ABCA10: variants seen among roughly 807,000 people sequenced by gnomAD.
ABCA10 encodes the protein ATP binding cassette subfamily A member 10, also known as ATP-binding cassette sub-family A member 10.
Under a neutral mutation model 187.5 loss-of-function variants are expected in ABCA10, and 169 were observed. The observed-to-expected ratio is 0.90, with a 90% CI of 0.80 to 1.02. ABCA10 has a LOEUF of 1.02. Ranked by LOEUF, ABCA10 falls within the 50% of genes least tolerant of loss-of-function variation. ABCA10 has a pLI of 0.00. For synonymous variants in ABCA10, 574 were observed against 601.8 expected (o/e 0.95, Z 0.68); for missense variants, 1,727 against 1,812.4 (o/e 0.95, Z 0.86).
chr17:69,185,385 A>G (rs1211579557), intron 20 of ABCA10, 92 bp downstream of exon 20: 3 of 1,307,082 alleles, frequency 2.3e-6, no homozygotes, highest in East Asian at 4.8e-5. Context: ...CTGGATAGAC[A>G]CCATTTTTGT....
chr17:69,164,078 A>C lies in ABCA10; in HGVS notation c.3359T>G (p.Leu1120Ter). 6.4e-7 allele frequency: 1 copy of C among 1,570,026 alleles called. No individual in the cohort carries two copies. The highest frequency in any genetic ancestry group is 1.2e-5 in the South Asian group (1 of 83,028). ...TAGGTAGAAAATGTTCCTTACTATT[A>C]AGGTTGTTAAAAGAATGGTTTTATT... The part of the protein sequence containing the change: ...EVNKTILLTT[L>*]IPYLQSVIFL... The change falls in exon 27 of 39, where the codon TTA (leucine) becomes TGA (stop). Residue 1120 changes from leucine (L) to a stop codon, truncating the protein, a stop_gained. Coordinates refer to ENST00000690296, the MANE Select transcript of ABCA10 (RefSeq NM_001377321.1). LOFTEE classifies it high-confidence loss of function.
chr17:69,167,324 A>G (rs150446410), intron 25 of ABCA10, among the ~76,000 whole-genome samples: 18 of 152,302 alleles, frequency 1.2e-4, no homozygotes, highest in African/African-American at 4.3e-4. Flanking sequence ...TCAACATCAT[A>G]GAAGAGAACC....
At chr17:69,192,312 A>AAAACAAACAAAC (rs111271676) in intron 16 of ABCA10, among the ~76,000 whole-genome samples, 1 of 150,624 alleles carries the variant, frequency 6.6e-6, no homozygotes, top group Non-Finnish European at 1.5e-5. Context: ...TGTCTTCAAA[A>AAAACAAACAAAC]AAACAAACAA....
At chr17:69,227,087 A>G (rs1223354447) in intron 2 of ABCA10, 58 bp downstream of exon 2, 1 of 144,234 alleles carries the variant, frequency 6.9e-6, no homozygotes, top group Non-Finnish European at 1.5e-5. Context: ...ATAATACTAT[A>G]TGGTGGATTT....
chr17:69,193,126 C>T lies in ABCA10; in HGVS notation c.1764G>A (p.Glu588=), dbSNP rs2074473319. The change falls in exon 15 of 39, where the codon GAG becomes GAA. Residue 588 remains glutamate, a synonymous_variant. Coordinates refer to ENST00000690296, the MANE Select transcript of ABCA10 (RefSeq NM_001377321.1). ...AAGAATCACCAGCCAAGATGTCAGC[C>T]TCATCCATGAATTGGGTACTGAAGA... The part of the protein sequence containing the change: ...LILFSTQFMD[E]ADILADRKVF... 6.2e-7 allele frequency: 1 copy of T among 1,608,472 alleles called. No homozygotes were observed.
At chr17:69,173,498 G>A (rs1232842127) in intron 25 of ABCA10, among the ~76,000 whole-genome samples, 4 of 152,056 alleles carry the variant, frequency 2.6e-5, no homozygotes, top group Non-Finnish European at 5.9e-5. Flanking sequence ...AAATCCAGAA[G>A]AAGAAGAAGA....
chr17:69,171,208 C>T (rs997938482), intron 25 of ABCA10, among the ~76,000 whole-genome samples: 1 of 151,830 alleles, frequency 6.6e-6, no homozygotes, highest in African/African-American at 2.4e-5. Context: ...TGTCAAACGA[C>T]AAGTAGAAAT....
chr17:69,175,817 C>T (rs2074330502), intron 22 of ABCA10: 2 of 187,258 alleles, frequency 1.1e-5, no homozygotes, highest in South Asian at 1.2e-4. Flanking sequence ...AAACCCTATA[C>T]ATAATATGTT....
intron 27 of ABCA10, among the ~76,000 whole-genome samples, chr17:69,163,463 T>C (rs1029281807): frequency 1.3e-5 from 2 of 152,204 alleles, no homozygotes; most frequent in African/African-American, 4.8e-5. Flanking sequence ...ATGGAACATC[T>C]CTGCATGTAT....
intron 25 of ABCA10, among the ~76,000 whole-genome samples, chr17:69,167,780 A>C (rs2074264549): frequency 6.6e-6 from 1 of 152,228 alleles, no homozygotes; most frequent in Non-Finnish European, 1.5e-5. Flanking sequence ...ATCTTCTATG[A>C]TACAGGCACT....
In ABCA10 at chr17:69,182,752, T is replaced by C. The variant is rs778004217; in HGVS notation, c.2554A>G (p.Ile852Val). The change falls in exon 21 of 39, where the codon ATA becomes GTA. Residue 852 changes from isoleucine (I) to valine (V), a missense_variant. Coordinates refer to ENST00000690296, the MANE Select transcript of ABCA10 (RefSeq NM_001377321.1). ...CCATTTCTGTTTCTAAAGTCATCTA[T>C]TTCCAAAACTATATCCTGACACTTC... ...SLKCQDIVLE[I>V]DDFRNRNGSD... 6.8e-6 allele frequency: 11 copies of C among 1,612,572 alleles called. No homozygotes were observed. The highest frequency in any genetic ancestry group is 8.5e-7 in the Non-Finnish European group (1 of 1,179,322).
intron 22 of ABCA10, among the ~76,000 whole-genome samples, chr17:69,181,496 G>C (rs1181473144): frequency 6.6e-6 from 1 of 152,078 alleles, no homozygotes; most frequent in Middle Eastern, 3.4e-3. Flanking sequence ...TTTTAAACTA[G>C]AGGGGTGAGG....
At chr17:69,225,073 C>T (rs1450206160) in intron 3 of ABCA10, among the ~76,000 whole-genome samples, 1 of 151,890 alleles carries the variant, frequency 6.6e-6, no homozygotes. Flanking sequence ...CCTACTGCAA[C>T]AATATGTTCT....
At chr17:69,199,522 G>A (rs1486320841) in intron 10 of ABCA10, among the ~76,000 whole-genome samples, 1 of 152,216 alleles carries the variant, frequency 6.6e-6, no homozygotes, top group East Asian at 1.9e-4. Flanking sequence ...TATCAAGGTG[G>A]ATGACACTGT....
chr17:69,225,783 C>T (rs558512431), intron 2 of ABCA10, among the ~76,000 whole-genome samples: 1 of 152,198 alleles, frequency 6.6e-6, no homozygotes, highest in African/African-American at 2.4e-5. Flanking sequence ...ATTAGTGGGA[C>T]TGCCATTGAT....
chr17:69,200,582 T>G (rs2074536166), intron 10 of ABCA10, among the ~76,000 whole-genome samples: 1 of 152,236 alleles, frequency 6.6e-6, no homozygotes, highest in Non-Finnish European at 1.5e-5. Context: ...TTTGTTTACT[T>G]TCAGTCAATC....
At chr17:69,153,645 A>G in intron 32 of ABCA10, 99 bp from the exon 33 acceptor site, 2 of 1,494,352 alleles carry the variant, frequency 1.3e-6, no homozygotes, top group Non-Finnish European at 1.8e-6. Flanking sequence ...TAGATAGTAA[A>G]TTTAAGCTTC....
At chr17:69,159,876 G>A (rs959397401) in intron 27 of ABCA10, among the ~76,000 whole-genome samples, 5 of 151,942 alleles carry the variant, frequency 3.3e-5, no homozygotes, top group African/African-American at 9.7e-5. Context: ...TTCAACAAGG[G>A]TGCCAAGACC....
rs567990154 is a variant in ABCA10 at position 69,194,011 on chromosome 17, G to T, written c.1346-22C>A. ...GATCCTATAAATAGAAATTTAAAAG[G>T]CTTTACTGCCAGAATGTTAATTCTA... is the stretch of plus-strand genomic sequence containing the variant. On this transcript the variant is annotated intron_variant, in intron 12 of 38. Coordinates refer to ENST00000690296, the MANE Select transcript of ABCA10 (RefSeq NM_001377321.1). 6.5e-6 allele frequency: 10 copies of T among 1,549,212 alleles called. No homozygotes were observed. The Admixed American group carries it at 1.3e-4, about 21-fold the overall frequency.
Sources: gnomAD v4.1 joint callset for allele counts (sites outside exome capture counted in the v4.1 genomes callset) on GRCh38, gnomAD v4.1.1 for gene constraint, MANE v1.5 for transcripts, NCBI Gene and HGNC (gene_info 2026-07-23, HGNC 2026-07-21) for gene names.